The following MARCHF11 variants were observed in gnomAD, a reference collection of about 807,000 sequenced individuals.
The protein encoded by MARCHF11 is E3 ubiquitin-protein ligase MARCHF11.
A neutral mutation model predicts 37.3 loss-of-function variants in MARCHF11; 29 were observed. The observed-to-expected ratio is 0.78, with a 90% confidence interval of 0.58 to 1.06. The LOEUF (loss-of-function observed/expected upper bound fraction) is 1.06, where lower values mean the gene tolerates loss of function less well. Ranked by LOEUF, MARCHF11 falls within the 50% of genes least tolerant of loss-of-function variation. MARCHF11 has a pLI of 0.00. For synonymous variants in MARCHF11, 233 were observed against 228.0 expected, an observed-to-expected ratio of 1.02 and a Z score of -0.20; for missense variants, 482 against 533.4, an observed-to-expected ratio of 0.90 and a Z score of 0.95.
chr5:16,177,816 T>C lies in MARCHF11; in HGVS notation c.603A>G (p.Leu201=), dbSNP rs770360682. 8.1e-5 allele frequency: 130 copies of C among 1,613,628 alleles called. No homozygotes were observed. Among genetic ancestry groups the C allele is most frequent in the Non-Finnish European group, 7.7e-5 (91 of 1,179,788 alleles). Residue 201 remains leucine (L), a synonymous_variant, in exon 2 of 4, where the codon CTA becomes CTG. Transcript: ENST00000332432. ...AGGAACCTCTCTCACTGATCCATTT[T>C]AGCAGGCACAGCTGATGTGTATACC... ...SVRYTHQLCL[L]KWISERGSWT... is the part of the protein sequence containing the mutation.
chr5:16,084,086 C>A (rs1386962786), intron 3 of MARCHF11, among the ~76,000 whole-genome samples: 1 of 151,750 alleles, frequency 6.6e-6, no homozygotes, highest in Non-Finnish European at 1.5e-5. Flanking sequence ...TTAGCTACTC[C>A]ATCTGGAAAA....
Position 16,179,511 on chromosome 5 carries a change from G to A in MARCHF11, c.65C>T (p.Pro22Leu), listed in dbSNP as rs1738435218. 2.6e-6 allele frequency: 3 copies of A among 1,173,630 alleles called. No homozygotes were observed. The highest frequency in any genetic ancestry group is 3.2e-6 in the Non-Finnish European group (3 of 950,912). The allele number at this position is 1,173,630 out of a possible 1,614,324, so 72.7% of individuals were successfully genotyped here. A position where few individuals can be genotyped will look rare whatever the true frequency, so the allele number is the denominator to read the frequency against. ...CRGAESGDAE[P>L]PPQPPPPPPP... is the part of the protein sequence containing the mutation. ...CGGCGGCGGGGGAGGTTGCGGGGGA[G>A]GCTCGGCGTCCCCGCTCTCCGCCCC... The change falls in exon 1 of 4, where the codon CCT becomes CTT. Residue 22 changes from proline (P) to leucine (L), a missense_variant. Transcript: ENST00000332432.
intron 2 of MARCHF11, among the ~76,000 whole-genome samples, chr5:16,116,312 G>C (rs530897925): frequency 6.6e-6 from 1 of 152,064 alleles, no homozygotes; most frequent in East Asian, 1.9e-4. Context: ...CAGGGCCCAA[G>C]GGATTCTCTC....
At chr5:16,085,490 A>G (rs1157400771) in intron 3 of MARCHF11, among the ~76,000 whole-genome samples, 1 of 149,976 alleles carries the variant, frequency 6.7e-6, no homozygotes, top group African/African-American at 2.4e-5. Flanking sequence ...CGAATGGTTA[A>G]GTGTAGTTAA....
chr5:16,146,237 G>A (rs1485992942), intron 2 of MARCHF11, among the ~76,000 whole-genome samples: 1 of 152,186 alleles, frequency 6.6e-6, no homozygotes, highest in Non-Finnish European at 1.5e-5. Context: ...GGAGCAGGCA[G>A]TGTCCCTATG....
chr5:16,110,690 T>C (rs1198822107), intron 2 of MARCHF11, among the ~76,000 whole-genome samples: 1 of 152,230 alleles, frequency 6.6e-6, no homozygotes, highest in Non-Finnish European at 1.5e-5. Context: ...ACATTATCAT[T>C]ATTGATAGCA....
At chr5:16,119,107 A>C (rs147700076) in intron 2 of MARCHF11, among the ~76,000 whole-genome samples, 12 of 152,282 alleles carry the variant, frequency 7.9e-5, no homozygotes, top group Admixed American at 7.8e-4. Flanking sequence ...TAATGCCTGT[A>C]ATCCCAGCAC....
At chr5:16,085,087 T>TCAATACTTTAGCCA (rs1736673249) in intron 3 of MARCHF11, among the ~76,000 whole-genome samples, 1 of 152,096 alleles carries the variant, frequency 6.6e-6, no homozygotes, top group African/African-American at 2.4e-5. Flanking sequence ...AATAACAGGA[T>TCAATACTTTAGCCA]CAATACTTTA....
chr5:16,133,373 G>A (rs1033855557), intron 2 of MARCHF11, among the ~76,000 whole-genome samples: 6 of 152,136 alleles, frequency 3.9e-5, no homozygotes, highest in African/African-American at 1.4e-4. Flanking sequence ...GGCCATCAGA[G>A]ATCAGCCAGC....
intron 2 of MARCHF11, among the ~76,000 whole-genome samples, chr5:16,151,649 A>ATGTG (rs58891017): frequency 0.18 from 23,778 of 131,174 alleles, 2,332 homozygotes; most frequent in East Asian, 0.25. Context: ...CGTGAGTTGA[A>ATGTG]TGTGTGTGTG....
chr5:16,125,896 G>A (rs779374663), intron 2 of MARCHF11, among the ~76,000 whole-genome samples: 2 of 152,170 alleles, frequency 1.3e-5, no homozygotes, highest in African/African-American at 2.4e-5. Context: ...CATAAGAAAG[G>A]CACAGCAAAG....
chr5:16,081,605 G>A (rs538366616), intron 3 of MARCHF11, among the ~76,000 whole-genome samples: 3 of 152,248 alleles, frequency 2.0e-5, no homozygotes, highest in Non-Finnish European at 2.9e-5. Context: ...TCAGCACCAC[G>A]GTAAATACGC....
chr5:16,156,098 T>C (rs530917934), intron 2 of MARCHF11, among the ~76,000 whole-genome samples: 69 of 152,082 alleles, frequency 4.5e-4, no homozygotes, highest in African/African-American at 1.6e-3. Context: ...AATCCATGAA[T>C]ATCTATAAGT....
chr5:16,165,406 C>T (rs1324842044), intron 2 of MARCHF11, among the ~76,000 whole-genome samples: 1 of 152,086 alleles, frequency 6.6e-6, no homozygotes, highest in Non-Finnish European at 1.5e-5. Context: ...AATGCTGGTA[C>T]ATTACTATTG....
chr5:16,173,215 T>G (rs1044157527), intron 2 of MARCHF11, among the ~76,000 whole-genome samples: 1 of 152,148 alleles, frequency 6.6e-6, no homozygotes, highest in Non-Finnish European at 1.5e-5. Context: ...AGAAGGAAAG[T>G]TGGTGAACAT....
chr5:16,119,269 A>T (rs1449368047), intron 2 of MARCHF11, among the ~76,000 whole-genome samples: 1 of 151,974 alleles, frequency 6.6e-6, no homozygotes, highest in Non-Finnish European at 1.5e-5. Flanking sequence ...AGGCTGAGGC[A>T]AGAGAGCACT....
chr5:16,102,246 A>G (rs1736968868), intron 2 of MARCHF11, among the ~76,000 whole-genome samples: 1 of 152,150 alleles, frequency 6.6e-6, no homozygotes, highest in African/African-American at 2.4e-5. Flanking sequence ...CTGCTACTAC[A>G]TGGAACTGGG....
intron 2 of MARCHF11, among the ~76,000 whole-genome samples, chr5:16,168,764 T>C (rs543094812): frequency 1.8e-4 from 27 of 152,058 alleles, no homozygotes; most frequent in Non-Finnish European, 2.2e-4. Flanking sequence ...AAGAAAGAGA[T>C]GGAAGAAGGA....
chr5:16,083,811 TTCC>T (rs1736650522), intron 3 of MARCHF11, among the ~76,000 whole-genome samples: 1 of 152,228 alleles, frequency 6.6e-6, no homozygotes, highest in Non-Finnish European at 1.5e-5. Context: ...TAATTATGCT[TTCC>T]TTATTCTAGC....
Sources: gnomAD v4.1 joint callset for allele counts (sites outside exome capture counted in the v4.1 genomes callset) on GRCh38, gnomAD v4.1.1 for gene constraint, MANE v1.5 for transcripts, NCBI Gene and HGNC (gene_info 2026-07-23, HGNC 2026-07-21) for gene names.